CNGB3: variants seen among roughly 807,000 people sequenced by gnomAD.
The protein encoded by CNGB3 is cyclic nucleotide gated channel subunit beta 3.
A neutral mutation model predicts 92.8 loss-of-function variants in CNGB3; 86 were observed. The observed-to-expected ratio is 0.93, with a 90% CI of 0.78 to 1.11. The LOEUF is 1.11. CNGB3 is among the 50% of genes least tolerant of loss of function. The pLI, the probability that CNGB3 is intolerant of heterozygous loss-of-function variation, is 0.00. For synonymous variants in CNGB3, 333 were observed against 332.7 expected, an observed-to-expected ratio of 1.00 and a Z score of -0.01; for missense variants, 1,026 against 956.8, an observed-to-expected ratio of 1.07 and a Z score of -0.95.
chr8:86,697,484 A>C (rs975639810), intron 3 of CNGB3, among the ~76,000 whole-genome samples: 55 of 152,322 alleles, frequency 3.6e-4, no homozygotes, highest in African/African-American at 1.3e-3. Context: ...TTCAGTGGGC[A>C]CAATTGTTCA....
At position 86,644,643 on chromosome 8, in the gene CNGB3, A is replaced by C. The variant is rs775971746; in HGVS notation, c.1034T>G (p.Met345Arg). ...TTACCTGTAGATATATGCTTTGTCC[A>C]TTATAGACTCTAGGTGATGATTAAA... ...FEFNHHLESI[M>R]DKAYIYRVIR... Residue 345 changes from methionine to arginine, a missense_variant, in exon 9 of 18, where the codon ATG (methionine) becomes AGG (arginine). Met to Arg is a moderately conservative substitution (Grantham distance 91). Coordinates refer to ENST00000320005, the MANE Select transcript of CNGB3 (RefSeq NM_019098.5). 8.1e-6 allele frequency: 13 copies of C among 1,599,752 alleles called. No homozygotes were observed. The South Asian group carries it at 1.3e-4, about 16-fold the overall frequency.
At chr8:86,591,709 A>T (rs1195116814) in intron 15 of CNGB3, among the ~76,000 whole-genome samples, 2 of 152,198 alleles carry the variant, frequency 1.3e-5, no homozygotes, top group African/African-American at 4.8e-5. Context: ...TCAAATCTCC[A>T]GCTGCGTACT....
intron 7 of CNGB3, among the ~76,000 whole-genome samples, chr8:86,650,049 C>A (rs1823369606): frequency 6.6e-6 from 1 of 151,014 alleles, no homozygotes; most frequent in African/African-American, 2.4e-5. Flanking sequence ...AAAAAATGCC[C>A]CCCCGCCCAA....
At chr8:86,583,765 C>T (rs1309186199) in intron 15 of CNGB3, among the ~76,000 whole-genome samples, 6 of 151,646 alleles carry the variant, frequency 4.0e-5, no homozygotes, top group African/African-American at 1.5e-4. Context: ...ACAAAAAATA[C>T]AAAAGTTAGC....
At chr8:86,660,761 C>T (rs1426263382) in intron 6 of CNGB3, 1 of 524,452 alleles carries the variant, frequency 1.9e-6, no homozygotes, top group Non-Finnish European at 3.9e-6. Context: ...TAACACCACT[C>T]AAACAAATGG....
intron 1 of CNGB3, among the ~76,000 whole-genome samples, chr8:86,742,730 C>T (rs1194617404): frequency 6.6e-6 from 1 of 152,090 alleles, no homozygotes; most frequent in Non-Finnish European, 1.5e-5. Context: ...GGACTTAAAC[C>T]TGTCACAGAA....
intron 2 of CNGB3, among the ~76,000 whole-genome samples, chr8:86,738,051 T>C (rs68188370): frequency 0.067 from 10,194 of 152,270 alleles, 471 homozygotes; most frequent in East Asian, 0.13. Flanking sequence ...AAATATTTGT[T>C]TTAGTGCAAA....
intron 10 of CNGB3, among the ~76,000 whole-genome samples, chr8:86,642,162 T>C (rs1366737593): frequency 6.6e-6 from 1 of 151,674 alleles, no homozygotes; most frequent in Non-Finnish European, 1.5e-5. Flanking sequence ...CGTCTAGGTG[T>C]AAAAGGAGAA....
intron 10 of CNGB3, among the ~76,000 whole-genome samples, chr8:86,642,265 G>A (rs1257986393): frequency 6.6e-6 from 1 of 151,634 alleles, no homozygotes; most frequent in African/African-American, 2.4e-5. Flanking sequence ...ATCTAATGAT[G>A]TTGGATTACA....
chr8:86,626,527 T>C (rs749721850), intron 12 of CNGB3, among the ~76,000 whole-genome samples: 2 of 152,194 alleles, frequency 1.3e-5, no homozygotes, highest in African/African-American at 2.4e-5. Flanking sequence ...ACACCCATTA[T>C]CTTATTTGAC....
intron 10 of CNGB3, among the ~76,000 whole-genome samples, chr8:86,637,020 G>A (rs1823085200): frequency 6.6e-6 from 1 of 152,160 alleles, no homozygotes; most frequent in Non-Finnish European, 1.5e-5. Context: ...GAGAAATTTA[G>A]GTTCCTTCCA....
intron 6 of CNGB3, chr8:86,657,914 C>T (rs1823546216): frequency 2.0e-5 from 11 of 548,748 alleles, no homozygotes; most frequent in East Asian, 4.6e-5. Flanking sequence ...CTCTGACCAC[C>T]GTGCAGCTCC....
intron 11 of CNGB3, 146 bp from the exon 12 acceptor site, chr8:86,629,224 C>A: frequency 9.6e-7 from 1 of 1,036,462 alleles, no homozygotes; most frequent in Admixed American, 2.0e-5. Context: ...TTTATTTATT[C>A]TTGCCCAGAC....
intron 15 of CNGB3, among the ~76,000 whole-genome samples, chr8:86,602,756 C>T (rs534331298): frequency 6.6e-6 from 1 of 152,202 alleles, no homozygotes; most frequent in African/African-American, 2.4e-5. Flanking sequence ...TTCATTCTTG[C>T]TCCTCTACTG....
intron 3 of CNGB3, among the ~76,000 whole-genome samples, chr8:86,683,310 T>G (rs1824118456): frequency 6.6e-6 from 1 of 152,120 alleles, no homozygotes; most frequent in Non-Finnish European, 1.5e-5. Context: ...TACACTGAGT[T>G]GGTCTGAATG....
intron 7 of CNGB3, among the ~76,000 whole-genome samples, chr8:86,653,791 A>T (rs1823449806): frequency 1.3e-5 from 2 of 152,070 alleles, no homozygotes; most frequent in African/African-American, 4.8e-5. Flanking sequence ...CTGGGCACTA[A>T]CTTATTTTGG....
chr8:86,596,793 T>C (rs1224311310), intron 15 of CNGB3, among the ~76,000 whole-genome samples: 1 of 152,052 alleles, frequency 6.6e-6, no homozygotes, highest in East Asian at 1.9e-4. Flanking sequence ...CCATCAATAA[T>C]AGACTGGAAA....
intron 14 of CNGB3, among the ~76,000 whole-genome samples, chr8:86,608,193 C>A (rs1222609414): frequency 6.6e-6 from 1 of 152,124 alleles, no homozygotes; most frequent in Non-Finnish European, 1.5e-5. Context: ...ACTCTTTATT[C>A]CAATATTATA....
chr8:86,657,730 C>T (rs1823540976), intron 6 of CNGB3: 2 of 467,260 alleles, frequency 4.3e-6, no homozygotes, highest in African/African-American at 2.0e-5. Context: ...AACACCAGCT[C>T]CTGCAGCTCC....
Sources: gnomAD v4.1 joint callset for allele counts (sites outside exome capture counted in the v4.1 genomes callset) on GRCh38, gnomAD v4.1.1 for gene constraint, MANE v1.5 for transcripts, NCBI Gene and HGNC (gene_info 2026-07-23, HGNC 2026-07-21) for gene names.